The following TAFA2 variants were observed in gnomAD, a reference collection of about 807,000 sequenced individuals.
TAFA2 encodes the protein chemokine-like protein TAFA-2.
In TAFA2, 7 loss-of-function variants were observed where a neutral mutation model predicts 18.8. The ratio of observed to expected loss-of-function variants is 0.37; its 90% CI spans 0.21 to 0.70. The LOEUF is 0.70. Ranked by LOEUF, TAFA2 falls within the 30% of genes least tolerant of loss-of-function variation. The pLI is 0.53. For missense variants in TAFA2, 122 were observed against 158.1 expected (o/e 0.77, Z 1.23); for synonymous variants, 60 against 54.2 (o/e 1.11, Z -0.47).
chr12:61,847,671 T>A (rs575722057), intron 2 of TAFA2, among the ~76,000 whole-genome samples: 338 of 152,234 alleles, frequency 2.2e-3, no homozygotes, highest in Non-Finnish European at 4.1e-3. Context: ...GGAAAAAAAA[T>A]TTAAAGCAAA....
intron 1 of TAFA2, among the ~76,000 whole-genome samples, chr12:62,071,741 T>A: frequency 6.6e-6 from 1 of 152,168 alleles, no homozygotes; most frequent in East Asian, 1.9e-4. Flanking sequence ...AGTTTAATCA[T>A]ACCTGGCTGA....
intron 1 of TAFA2, among the ~76,000 whole-genome samples, chr12:62,242,103 C>A (rs1482813681): frequency 6.6e-6 from 1 of 151,974 alleles, no homozygotes; most frequent in African/African-American, 2.4e-5. Flanking sequence ...TAGCAAACAT[C>A]AAAGCAGAGA....
intron 2 of TAFA2, among the ~76,000 whole-genome samples, chr12:61,858,500 T>A (rs1873982187): frequency 6.6e-6 from 1 of 152,074 alleles, no homozygotes; most frequent in African/African-American, 2.4e-5. Context: ...TCCTCAAGGA[T>A]CTAGAACAAA....
chr12:61,913,927 G>A (rs1276135515), intron 1 of TAFA2, among the ~76,000 whole-genome samples: 1 of 152,142 alleles, frequency 6.6e-6, no homozygotes, highest in South Asian at 2.1e-4. Flanking sequence ...CAGAATAAAG[G>A]TGACAAAAGA....
At chr12:62,028,999 A>C (rs1267953831) in intron 1 of TAFA2, among the ~76,000 whole-genome samples, 1 of 152,188 alleles carries the variant, frequency 6.6e-6, no homozygotes, top group African/African-American at 2.4e-5. Flanking sequence ...TGTATTTAAT[A>C]TGTAACTAAT....
At chr12:61,738,997 AC>A (rs1467816314) in intron 4 of TAFA2, among the ~76,000 whole-genome samples, 1 of 152,072 alleles carries the variant, frequency 6.6e-6, no homozygotes, top group Non-Finnish European at 1.5e-5. Flanking sequence ...GTTTTAGTTA[AC>A]AAGCACATAT....
chr12:61,930,670 TTAGACTCGGTGAATA>T (rs1877518425), intron 1 of TAFA2, among the ~76,000 whole-genome samples: 1 of 152,230 alleles, frequency 6.6e-6, no homozygotes, highest in Non-Finnish European at 1.5e-5. Context: ...CTTTAGGACA[TTAGACTCGGTGAATA>T]TCCCAACAGA....
intron 1 of TAFA2, among the ~76,000 whole-genome samples, chr12:62,157,276 T>TA (rs1319653929): frequency 6.6e-6 from 1 of 152,166 alleles, no homozygotes; most frequent in East Asian, 1.9e-4. Flanking sequence ...GATTTTTTTT[T>TA]ATTTAAAAAA....
At chr12:61,786,311 GA>G (rs1279586167) in intron 2 of TAFA2, among the ~76,000 whole-genome samples, 1 of 151,472 alleles carries the variant, frequency 6.6e-6, no homozygotes, top group African/African-American at 2.4e-5. Context: ...TGAAAAGCAA[GA>G]CTTAGAAAAA....
intron 2 of TAFA2, among the ~76,000 whole-genome samples, chr12:61,825,701 C>T (rs1156915691): frequency 6.6e-6 from 1 of 151,960 alleles, no homozygotes. Flanking sequence ...CACCGTCTTA[C>T]TACAAGTCAA....
intron 1 of TAFA2, among the ~76,000 whole-genome samples, chr12:62,039,867 T>C (rs1046275894): frequency 2.7e-4 from 41 of 152,188 alleles, no homozygotes; most frequent in African/African-American, 9.4e-4. Context: ...AGATTCTGAT[T>C]CAGTAGCTTG....
chr12:62,126,663 C>A (rs547040957), intron 1 of TAFA2, among the ~76,000 whole-genome samples: 1 of 151,940 alleles, frequency 6.6e-6, no homozygotes, highest in African/African-American at 2.4e-5. Context: ...TATGAAACAG[C>A]ATAGTATGAA....
rs144114240 is a variant in TAFA2 at position 61,783,799 on chromosome 12, T to C, written c.107-28775A>G. Among the ~76,000 whole-genome samples the C allele has an allele frequency of 7.3e-3, 1,101 of 151,724 alleles. 8 individuals carry two copies. Among genetic ancestry groups the C allele is most frequent in the African/African-American group, 0.024 (977 of 41,496 alleles). Reference sequence around the variant, plus strand: ...AAACTATAGAAGTCAGTGTCCTATATTGATATTTCTTGAGAAAATTTAATT... The same window carrying C: ...AAACTATAGAAGTCAGTGTCCTATACTGATATTTCTTGAGAAAATTTAATT... On this transcript the variant is annotated intron_variant, in intron 2 of 4. Transcript: ENST00000416284.
chr12:62,014,268 A>G (rs1401705373), intron 1 of TAFA2, among the ~76,000 whole-genome samples: 2 of 152,240 alleles, frequency 1.3e-5, no homozygotes, highest in Non-Finnish European at 2.9e-5. Context: ...TTACTACCCA[A>G]TAAGATAGTA....
intron 1 of TAFA2, among the ~76,000 whole-genome samples, chr12:62,014,266 C>T (rs900015097): frequency 6.6e-6 from 1 of 152,112 alleles, no homozygotes; most frequent in African/African-American, 2.4e-5. Flanking sequence ...ATTTACTACC[C>T]AATAAGATAG....
At chr12:61,837,301 G>A (rs1463758597) in intron 2 of TAFA2, among the ~76,000 whole-genome samples, 1 of 151,560 alleles carries the variant, frequency 6.6e-6, no homozygotes, top group Non-Finnish European at 1.5e-5. Flanking sequence ...AAATTATGTG[G>A]TGCACCTTTG....
intron 2 of TAFA2, among the ~76,000 whole-genome samples, chr12:61,787,620 A>C (rs1356462855): frequency 6.6e-6 from 1 of 151,690 alleles, no homozygotes; most frequent in Admixed American, 6.6e-5. Flanking sequence ...TTACACTGTT[A>C]TAAGCTTAAA....
intron 2 of TAFA2, among the ~76,000 whole-genome samples, chr12:61,816,152 T>G (rs1481953359): frequency 6.6e-6 from 1 of 151,286 alleles, no homozygotes; most frequent in African/African-American, 2.5e-5. Flanking sequence ...ATAGTTGTCT[T>G]TTCCTGCTCC....
intron 1 of TAFA2, among the ~76,000 whole-genome samples, chr12:61,930,326 T>G (rs1877504224): frequency 6.6e-6 from 1 of 152,100 alleles, no homozygotes; most frequent in African/African-American, 2.4e-5. Flanking sequence ...AGAGCTAAAC[T>G]AAGTTGAGAT....
Sources: allele counts gnomAD v4.1 joint callset (sites outside exome capture counted in the v4.1 genomes callset), GRCh38; gene constraint gnomAD v4.1.1; transcripts MANE v1.5; gene names NCBI Gene and HGNC (gene_info 2026-07-23, HGNC 2026-07-21).